THADA: variants seen among roughly 807,000 people sequenced by gnomAD.
THADA encodes the protein THADA armadillo repeat containing.
Under a neutral mutation model 219.8 loss-of-function variants are expected in THADA, and 213 were observed. The observed-to-expected ratio is 0.97, with a 90% CI of 0.87 to 1.09. The LOEUF is 1.09. Among genes scored for constraint, THADA ranks in the 50% least tolerant of loss-of-function variants. THADA has a pLI of 0.00. For missense variants in THADA, 2,956 were observed against 2,311.3 expected (o/e 1.28, Z -5.72); for synonymous variants, 1,018 against 828.9 (o/e 1.23, Z -3.92).
intron 28 of THADA, among the ~76,000 whole-genome samples, chr2:43,413,311 C>T (rs1027721884): frequency 1.3e-5 from 2 of 152,094 alleles, no homozygotes; most frequent in Non-Finnish European, 2.9e-5. Context: ...ACAGTCTAGT[C>T]CTAAAACCCC....
At chr2:43,237,367 T>C (rs1313029206) in intron 36 of THADA, among the ~76,000 whole-genome samples, 2 of 150,888 alleles carry the variant, frequency 1.3e-5, no homozygotes, top group African/African-American at 2.4e-5. Flanking sequence ...AACACCTAAA[T>C]GTAAGAGCAA....
chr2:43,553,051 T>C (rs531706445), intron 17 of THADA, among the ~76,000 whole-genome samples: 1 of 152,362 alleles, frequency 6.6e-6, no homozygotes, highest in South Asian at 2.1e-4. Flanking sequence ...TCATCCATGC[T>C]GCAGCATGTA....
At chr2:43,272,878 G>A (rs1385562395) in intron 36 of THADA, among the ~76,000 whole-genome samples, 2 of 151,500 alleles carry the variant, frequency 1.3e-5, no homozygotes, top group Non-Finnish European at 2.9e-5. Context: ...TGGCTGCCCC[G>A]GCCTCCGAAA....
At chr2:43,329,454 G>C (rs1195294965) in intron 30 of THADA, among the ~76,000 whole-genome samples, 3 of 152,234 alleles carry the variant, frequency 2.0e-5, no homozygotes, top group Admixed American at 1.3e-4. Context: ...ATGTGAATTT[G>C]GCAAGGCACA....
rs148324565 is a variant in THADA, at chr2:43,326,013, T to C, written c.4344-5473A>G. ...TTAAATATGCTCTATCTTGAGCAAA[T>C]TCCCTCTCTGTTGCATTTTTGGCAA... is the stretch of plus-strand genomic sequence containing the variant. On this transcript the variant is annotated intron_variant, in intron 30 of 37. Coordinates refer to ENST00000405975, the MANE Select transcript of THADA (RefSeq NM_022065.5). Among the ~76,000 whole-genome samples, 45 of 152,310 alleles carry C rather than the reference T, an allele frequency of 3.0e-4. 1 individual carries two copies. The highest frequency in any genetic ancestry group is 1.3e-3 in the East Asian group (7 of 5,188).
At chr2:43,550,746 G>C (rs1696649612) in intron 19 of THADA, among the ~76,000 whole-genome samples, 1 of 152,160 alleles carries the variant, frequency 6.6e-6, no homozygotes. Flanking sequence ...GAATATATGG[G>C]TACTTTGCTG....
intron 28 of THADA, among the ~76,000 whole-genome samples, chr2:43,427,757 C>T (rs1678657653): frequency 6.7e-6 from 1 of 149,502 alleles, no homozygotes; most frequent in Non-Finnish European, 1.5e-5. Context: ...GAGATCGAGA[C>T]CATTCTGGCT....
rs1690977289 is a variant in THADA at position 43,514,611 on chromosome 2, T to TAA, written c.3375-5832_3375-5831insTT. 1.8e-3 allele frequency among the ~76,000 whole-genome samples: 169 copies of TAA among 91,468 alleles called. 13 individuals are homozygous for TAA. The highest frequency in any genetic ancestry group is 5.6e-3 in the South Asian group (19 of 3,372). 60.0% of individuals were successfully genotyped at this position (91,468 alleles called of 152,430 possible). A position where few individuals can be genotyped will look rare whatever the true frequency, so the allele number is the denominator to read the frequency against. On this transcript the variant is annotated intron_variant, in intron 22 of 37. Transcript: ENST00000405975. ...TATATATGTATATTTTATATATATT[T>TAA]TATATATTTTATATATATGTATATT...
chr2:43,416,975 A>G (rs552209647), intron 28 of THADA, among the ~76,000 whole-genome samples: 2 of 151,926 alleles, frequency 1.3e-5, no homozygotes, highest in East Asian at 3.9e-4. Flanking sequence ...CAATTACTGC[A>G]TAAGAAAACA....
At position 43,403,125 on chromosome 2, in the gene THADA, G is replaced by A. The variant is rs1035397708; in HGVS notation, c.4059-4986C>T. ...GAGTGAGGTGTCCCAGCATACTTTG[G>A]GTCATAAAACTAGCATAAAGCCTGC... is the stretch of plus-strand genomic sequence containing the variant. On this transcript the variant is annotated intron_variant, in intron 28 of 37. Coordinates refer to ENST00000405975, the MANE Select transcript of THADA (RefSeq NM_022065.5). 3.9e-5 allele frequency among the ~76,000 whole-genome samples: 6 copies of A among 152,184 alleles called. 1 individual carries two copies. Among genetic ancestry groups the A allele is most frequent in the Admixed American group, 3.9e-4 (6 of 15,296 alleles).
At chr2:43,237,179 T>C (rs1668131749) in intron 36 of THADA, among the ~76,000 whole-genome samples, 1 of 151,658 alleles carries the variant, frequency 6.6e-6, no homozygotes, top group Non-Finnish European at 1.5e-5. Flanking sequence ...ATCAACAGAC[T>C]GAGAGTCCAG....
intron 23 of THADA, among the ~76,000 whole-genome samples, chr2:43,508,430 A>G (rs1689976217): frequency 6.6e-6 from 1 of 152,126 alleles, no homozygotes; most frequent in African/African-American, 2.4e-5. Context: ...CTCTGTTTAT[A>G]TTACAAGATT....
At chr2:43,297,905 G>T (rs2104394129) in intron 31 of THADA, among the ~76,000 whole-genome samples, 1 of 107,918 alleles carries the variant, frequency 9.3e-6, no homozygotes, top group Middle Eastern at 5.3e-3. Flanking sequence ...CTACTGGGAA[G>T]TGAGGAGCCC....
intron 26 of THADA, among the ~76,000 whole-genome samples, chr2:43,441,041 GTTTTT>G (rs1680783142): frequency 6.6e-6 from 1 of 152,162 alleles, no homozygotes; most frequent in Non-Finnish European, 1.5e-5. Context: ...TAATTGTTTT[GTTTTT>G]AAGAGCAAAG....
chr2:43,431,030 G>A (rs1389852009), intron 26 of THADA, among the ~76,000 whole-genome samples: 1 of 152,180 alleles, frequency 6.6e-6, no homozygotes, highest in Non-Finnish European at 1.5e-5. Flanking sequence ...AACTACGAAA[G>A]TAGAATAGTT....
intron 30 of THADA, among the ~76,000 whole-genome samples, chr2:43,340,843 C>T (rs1183869036): frequency 2.0e-5 from 3 of 152,022 alleles, no homozygotes; most frequent in Admixed American, 6.5e-5. Context: ...GAGAAGGGAC[C>T]GCTAGGACGA....
At chr2:43,455,593 TA>T (rs1682893611) in intron 26 of THADA, among the ~76,000 whole-genome samples, 1 of 152,020 alleles carries the variant, frequency 6.6e-6, no homozygotes, top group South Asian at 2.1e-4. Context: ...AACAGGAGCA[TA>T]TTAAATGCTA....
chr2:43,255,266 T>G (rs1173907716), intron 36 of THADA, among the ~76,000 whole-genome samples: 1 of 152,194 alleles, frequency 6.6e-6, no homozygotes, highest in African/African-American at 2.4e-5. Flanking sequence ...TACTCTTTGT[T>G]CAAGGTGCCT....
chr2:43,490,938 G>C (rs1687558533), intron 25 of THADA, among the ~76,000 whole-genome samples: 1 of 152,046 alleles, frequency 6.6e-6, no homozygotes, highest in South Asian at 2.1e-4. Flanking sequence ...CTCTGTTTTA[G>C]AATTCTGTAA....
Sources: allele counts gnomAD v4.1 joint callset (sites outside exome capture counted in the v4.1 genomes callset), GRCh38; gene constraint gnomAD v4.1.1; transcripts MANE v1.5; gene names NCBI Gene and HGNC (gene_info 2026-07-23, HGNC 2026-07-21).